ADCY10: variants seen among roughly 807,000 people sequenced by gnomAD.
ADCY10 encodes the protein adenylate cyclase type 10.
In ADCY10, 156 loss-of-function variants were observed where a neutral mutation model predicts 183.3. The ratio of observed to expected loss-of-function variants is 0.85; its 90% CI spans 0.75 to 0.97. The LOEUF is 0.97. Ranked by LOEUF, ADCY10 falls within the 50% of genes least tolerant of loss-of-function variation. The pLI, the probability that ADCY10 is intolerant of heterozygous loss-of-function variation, is 0.00. For missense variants in ADCY10, 1,745 were observed against 1,934.3 expected (o/e 0.90, Z 1.84); for synonymous variants, 645 against 670.0 (o/e 0.96, Z 0.58).
intron 11 of ADCY10, among the ~76,000 whole-genome samples, chr1:167,879,368 G>T (rs144341513): frequency 5.9e-5 from 9 of 152,250 alleles, no homozygotes; most frequent in African/African-American, 2.2e-4. Flanking sequence ...TACAAATGAG[G>T]TAGCAAATGT....
chr1:167,809,952 C>T, intron 32 of ADCY10, 113 bp from the exon 33 acceptor site: 1 of 1,133,216 alleles, frequency 8.8e-7, no homozygotes. Context: ...CATGTGAACC[C>T]ATAGACAAAA....
intron 21 of ADCY10, among the ~76,000 whole-genome samples, chr1:167,843,043 G>A (rs542098221): frequency 6.6e-6 from 1 of 152,286 alleles, no homozygotes; most frequent in African/African-American, 2.4e-5. Flanking sequence ...CTGAACAGGT[G>A]AAAAATTCTG....
chr1:167,871,050 A>G (rs1025946047), intron 13 of ADCY10, among the ~76,000 whole-genome samples: 1 of 152,170 alleles, frequency 6.6e-6, no homozygotes, highest in Non-Finnish European at 1.5e-5. Context: ...AGCCAAGGCT[A>G]TCTAACCCTA....
At chr1:167,899,932 G>A (rs1669276527) in intron 5 of ADCY10, among the ~76,000 whole-genome samples, 1 of 152,086 alleles carries the variant, frequency 6.6e-6, no homozygotes, top group South Asian at 2.1e-4. Flanking sequence ...TATACTTAAG[G>A]GCAACAGGGA....
At chr1:167,844,380 C>CTCG (rs893200455) in intron 21 of ADCY10, among the ~76,000 whole-genome samples, 2 of 152,210 alleles carry the variant, frequency 1.3e-5, no homozygotes, top group Non-Finnish European at 2.9e-5. Context: ...CAACAACATG[C>CTCG]TCGTCCCACT....
At chr1:167,891,581 G>A (rs6666469) in intron 8 of ADCY10, among the ~76,000 whole-genome samples, 230 of 150,860 alleles carry the variant, frequency 1.5e-3, no homozygotes, top group African/African-American at 5.4e-3. Flanking sequence ...GCATGAACCC[G>A]GGAGGCGGAG....
At chr1:167,842,650 T>C (rs186193572) in intron 21 of ADCY10, among the ~76,000 whole-genome samples, 1 of 152,216 alleles carries the variant, frequency 6.6e-6, no homozygotes, top group Non-Finnish European at 1.5e-5. Context: ...AAGAAATCTA[T>C]TCACAGTATA....
chr1:167,830,216 C>A lies in ADCY10; in HGVS notation c.3594-793G>T, dbSNP rs183864523. Reference sequence around the variant, plus strand: ...TTGCAACATGTGGATTATTATCACGCCCTCCCTCATTTTCCTCCAGCCCAC... The same window carrying A: ...TTGCAACATGTGGATTATTATCACGACCTCCCTCATTTTCCTCCAGCCCAC... On this transcript the variant is annotated intron_variant, in intron 25 of 32. Coordinates refer to ENST00000367851, the MANE Select transcript of ADCY10 (RefSeq NM_018417.6). Among the ~76,000 whole-genome samples the A allele has an allele frequency of 8.5e-5, 13 of 152,052 alleles. No individual in the cohort carries two copies. The East Asian group carries it at 2.1e-3, about 25-fold the overall frequency.
chr1:167,905,259 T>C lies in ADCY10; in HGVS notation c.-58-61A>G, dbSNP rs189255189. Reference sequence around the variant, plus strand: ...ATTCATTTGCTCATTTTCCTATTGCTCTTTCTCCATTTGTTTTGTTCTAAC... The same window carrying C: ...ATTCATTTGCTCATTTTCCTATTGCCCTTTCTCCATTTGTTTTGTTCTAAC... On this transcript the variant is annotated intron_variant, in intron 1 of 32. Coordinates refer to ENST00000367851, the MANE Select transcript of ADCY10 (RefSeq NM_018417.6). 245 of 1,243,332 alleles carry C rather than the reference T, an allele frequency of 2.0e-4. 5 individuals carry two copies. Among genetic ancestry groups the C allele is most frequent in the East Asian group, 1.7e-3 (72 of 42,460 alleles). 77.0% of individuals were successfully genotyped at this position (1,243,332 alleles called of 1,614,324 possible).
At position 167,854,460 on chromosome 1, in the gene ADCY10, G is replaced by A. The variant is rs1665739846; in HGVS notation, c.2201C>T (p.Pro734Leu). 1 of 1,614,006 alleles carries A rather than the reference G, an allele frequency of 6.2e-7. No homozygotes were observed. The highest frequency in any genetic ancestry group is 8.5e-7 in the Non-Finnish European group (1 of 1,180,040). Residue 734 changes from proline (P) to leucine (L), a missense_variant, in exon 18 of 33, where the codon CCA becomes CTA. Coordinates refer to ENST00000367851, the MANE Select transcript of ADCY10 (RefSeq NM_018417.6). ...SYLGEGSCGIPFYCEELLKNL... is the reference protein window; with the variant it reads ...SYLGEGSCGILFYCEELLKNL... The stretch of plus-strand genomic sequence containing the variant: ...TTTAAGCAATTCTTCACAGTAAAAT[G>A]GAATCCCACAGCTTCCCTCCCCCAG...
chr1:167,832,820 G>T (rs1040495653), intron 25 of ADCY10, among the ~76,000 whole-genome samples, 167 bp downstream of exon 25: 2 of 152,154 alleles, frequency 1.3e-5, no homozygotes. Context: ...GGCAACCCTG[G>T]TATGGGAGCA....
Position 167,903,947 on chromosome 1 carries a change from C to T in ADCY10, c.193G>A (p.Asp65Asn), listed in dbSNP as rs1353225532. 1.9e-6 allele frequency: 3 copies of T among 1,613,968 alleles called. No individual in the cohort carries two copies. The highest frequency in any genetic ancestry group is 3.3e-5 in the Admixed American group (2 of 60,002). ...TEKFSSAMYM[D>N]RGAEQLVEIL... ...TCCACCAACTGCTCAGCCCCTCTGT[C>T]CATGTACATGGCACTGCTGAACTTC... The change falls in exon 3 of 33, where the codon GAC (aspartate) becomes AAC (asparagine). Residue 65 changes from aspartate (D) to asparagine (N), a missense_variant. Transcript: ENST00000367851.
chr1:167,892,398 G>C (rs994952132), intron 8 of ADCY10, among the ~76,000 whole-genome samples: 1 of 152,124 alleles, frequency 6.6e-6, no homozygotes, highest in Non-Finnish European at 1.5e-5. Flanking sequence ...GTCTGGTTTT[G>C]GTAAAGTTGT....
intron 14 of ADCY10, among the ~76,000 whole-genome samples, chr1:167,865,299 T>A (rs1292463571): frequency 1.3e-5 from 2 of 152,156 alleles, no homozygotes; most frequent in Non-Finnish European, 2.9e-5. Context: ...TAAAAAAAAA[T>A]TCTGTGTGTA....
chr1:167,891,149 A>C (rs1208339508), intron 8 of ADCY10, among the ~76,000 whole-genome samples: 1 of 151,758 alleles, frequency 6.6e-6, no homozygotes, highest in Non-Finnish European at 1.5e-5. Context: ...TTTAGTAGAG[A>C]CAAGGTTTCA....
intron 7 of ADCY10, among the ~76,000 whole-genome samples, chr1:167,895,143 G>A (rs537289373): frequency 9.4e-5 from 14 of 149,656 alleles, no homozygotes; most frequent in Admixed American, 2.7e-4. Context: ...TATCGCGCCA[G>A]TGCACTCCAA....
At chr1:167,907,624 G>C (rs977809682) in intron 1 of ADCY10, among the ~76,000 whole-genome samples, 1 of 152,214 alleles carries the variant, frequency 6.6e-6, no homozygotes, top group Non-Finnish European at 1.5e-5. Flanking sequence ...ATAGGAAAGA[G>C]AGTTGGAATA....
At chr1:167,898,089 T>G (rs1407043492) in intron 6 of ADCY10, among the ~76,000 whole-genome samples, 2 of 143,106 alleles carry the variant, frequency 1.4e-5, no homozygotes, top group African/African-American at 5.2e-5. Context: ...TGGACCACAG[T>G]GGGAAAACTG....
intron 12 of ADCY10, 104 bp downstream of exon 12, chr1:167,878,342 A>AC: frequency 7.4e-7 from 1 of 1,343,986 alleles, no homozygotes. Context: ...ATAGATTTCA[A>AC]CTTTTTGAAC....
Sources: gnomAD v4.1 joint callset for allele counts (sites outside exome capture counted in the v4.1 genomes callset) on GRCh38, gnomAD v4.1.1 for gene constraint, MANE v1.5 for transcripts, NCBI Gene and HGNC (gene_info 2026-07-23, HGNC 2026-07-21) for gene names.